ZFHX3: variants seen among roughly 807,000 people sequenced by gnomAD.
ZFHX3 encodes zinc finger homeobox protein 3.
In ZFHX3, 42 loss-of-function variants were observed where a neutral mutation model predicts 279.1. The ratio of observed to expected loss-of-function variants is 0.15; its 90% CI spans 0.12 to 0.19. The LOEUF is 0.19. Ranked by LOEUF, ZFHX3 falls within the 10% of genes least tolerant of loss-of-function variation. ZFHX3 has a pLI of 1.00. For missense variants in ZFHX3, 4,981 were observed against 4,754.0 expected (o/e 1.05, Z -1.40); for synonymous variants, 2,293 against 1,957.8 (o/e 1.17, Z -4.52).
intron 4 of ZFHX3, among the ~76,000 whole-genome samples, chr16:73,289,372 T>C (rs1489739047): frequency 1.3e-5 from 2 of 152,056 alleles, no homozygotes; most frequent in African/African-American, 2.4e-5. Flanking sequence ...TAGCAATTAC[T>C]CTACCCTTTT....
intron 2 of ZFHX3, among the ~76,000 whole-genome samples, chr16:73,496,022 G>C (rs545454715): frequency 6.3e-4 from 96 of 152,308 alleles, no homozygotes; most frequent in African/African-American, 2.0e-3. Context: ...CAGAAAGAGA[G>C]CGACATATTA....
chr16:73,888,651 G>A (rs976699264), intron 1 of ZFHX3, among the ~76,000 whole-genome samples: 1 of 152,162 alleles, frequency 6.6e-6, no homozygotes, highest in Non-Finnish European at 1.5e-5. Flanking sequence ...AAAGAAAAAT[G>A]TTTACATTTC....
intron 6 of ZFHX3, among the ~76,000 whole-genome samples, chr16:73,134,313 G>C (rs774311856): frequency 7.4e-6 from 1 of 134,988 alleles, no homozygotes; most frequent in East Asian, 2.2e-4. Flanking sequence ...GTGACCTTCC[G>C]TGTTAGTCTC....
At chr16:73,174,266 A>AAC (rs1967608169) in intron 5 of ZFHX3, among the ~76,000 whole-genome samples, 2 of 149,008 alleles carry the variant, frequency 1.3e-5, no homozygotes, top group Admixed American at 6.7e-5. Flanking sequence ...TGTTCACACA[A>AAC]AACAACAACA....
At chr16:73,192,155 G>A (rs62052447) in intron 5 of ZFHX3, among the ~76,000 whole-genome samples, 10,426 of 152,074 alleles carry the variant, frequency 0.069, 427 homozygotes, top group East Asian at 0.16. Flanking sequence ...CTTCCCTCCA[G>A]CTCTGGAAGT....
chr16:73,437,049 C>T (rs74028647), intron 3 of ZFHX3, among the ~76,000 whole-genome samples: 3,950 of 152,294 alleles, frequency 0.026, 161 homozygotes, highest in African/African-American at 0.088. Context: ...GTCTGCCTGA[C>T]ACCGCAATCT....
chr16:73,529,435 C>T (rs954002982), intron 2 of ZFHX3, among the ~76,000 whole-genome samples: 5 of 152,106 alleles, frequency 3.3e-5, no homozygotes, highest in African/African-American at 1.2e-4. Context: ...AAACAGCCTC[C>T]CAAAGAGAGA....
upstream of ZFHX3, among the ~76,000 whole-genome samples, chr16:73,063,778 G>C (rs1195172120): frequency 6.6e-6 from 1 of 152,152 alleles, no homozygotes; most frequent in African/African-American, 2.4e-5. Flanking sequence ...TCTTTCTCAG[G>C]ATCTTGCTTT....
intron 1 of ZFHX3, among the ~76,000 whole-genome samples, chr16:73,715,703 C>T (rs1257676558): frequency 1.3e-5 from 2 of 151,414 alleles, no homozygotes; most frequent in African/African-American, 2.4e-5. Context: ...CCCCAAGTAG[C>T]TGCGATTACA....
At chr16:73,803,870 C>G (rs1486782926) in intron 1 of ZFHX3, among the ~76,000 whole-genome samples, 1 of 152,132 alleles carries the variant, frequency 6.6e-6, no homozygotes, top group Non-Finnish European at 1.5e-5. Flanking sequence ...CATCAAATTA[C>G]TAGAAACAGC....
intron 1 of ZFHX3, among the ~76,000 whole-genome samples, chr16:72,968,499 C>G (rs187616876): frequency 7.0e-6 from 1 of 143,500 alleles, no homozygotes; most frequent in Non-Finnish European, 1.5e-5. Context: ...CTCGCTCTGT[C>G]GTCCAGGCTG....
chr16:72,971,844 G>A (rs1298766452), intron 1 of ZFHX3, among the ~76,000 whole-genome samples: 2 of 150,550 alleles, frequency 1.3e-5, no homozygotes, highest in African/African-American at 4.9e-5. Flanking sequence ...GATATTTACT[G>A]GCAGTCTACA....
chr16:72,847,135 T>C (rs1441407093), intron 4 of ZFHX3, among the ~76,000 whole-genome samples: 1 of 152,260 alleles, frequency 6.6e-6, no homozygotes, highest in Non-Finnish European at 1.5e-5. Context: ...TAAATGTATT[T>C]CAGTGGACTT....
At chr16:72,984,953 A>C (rs1387959006) in intron 1 of ZFHX3, among the ~76,000 whole-genome samples, 1 of 152,182 alleles carries the variant, frequency 6.6e-6, no homozygotes, top group Non-Finnish European at 1.5e-5. Flanking sequence ...ATACACATAC[A>C]TCTCTCATAT....
intron 1 of ZFHX3, among the ~76,000 whole-genome samples, chr16:73,689,137 T>C (rs1271691909): frequency 6.6e-6 from 1 of 152,228 alleles, no homozygotes; most frequent in Non-Finnish European, 1.5e-5. Context: ...TGCCAAAGGA[T>C]TGATACTGAT....
chr16:72,784,292 CAG>C lies in ZFHX3; in HGVS notation c.*2870_*2871del, dbSNP rs2035256314. The C allele has an allele frequency of 6.7e-6, 1 of 149,362 alleles. No homozygotes were observed. The highest frequency in any genetic ancestry group is 6.7e-5 in the Admixed American group (1 of 14,980). 9.3% of individuals were successfully genotyped at this position (149,362 alleles called of 1,614,324 possible). A position where few individuals can be genotyped will look rare whatever the true frequency, so the allele number is the denominator to read the frequency against. ...AAACAAAAACAAAAACCCAAACCATCAGGGAGGGGGCAGCAAAATTATAAAGA... is the reference window on the plus strand; with the variant it reads ...AAACAAAAACAAAAACCCAAACCATCGGAGGGGGCAGCAAAATTATAAAGA... On this transcript the variant is annotated 3_prime_UTR_variant, in exon 10 of 10. Transcript: ENST00000268489.
chr16:73,732,307 G>C (rs2053575784), intron 1 of ZFHX3, among the ~76,000 whole-genome samples: 1 of 152,200 alleles, frequency 6.6e-6, no homozygotes, highest in Non-Finnish European at 1.5e-5. Context: ...TTTCACCAAA[G>C]GCCTAATGAT....
intron 2 of ZFHX3, chr16:73,499,154 G>A (rs2019191565): frequency 6.6e-6 from 1 of 152,142 alleles, no homozygotes; most frequent in Non-Finnish European, 1.5e-5. Flanking sequence ...TGGCCTGTGG[G>A]AGAAACTGAC....
At chr16:72,866,939 T>C (rs994458345) in intron 4 of ZFHX3, among the ~76,000 whole-genome samples, 1 of 152,240 alleles carries the variant, frequency 6.6e-6, no homozygotes. Flanking sequence ...CCAGATTCCC[T>C]AAATTATCAT....
Sources: allele counts gnomAD v4.1 joint callset (sites outside exome capture counted in the v4.1 genomes callset), GRCh38; gene constraint gnomAD v4.1.1; transcripts MANE v1.5; gene names NCBI Gene and HGNC (gene_info 2026-07-23, HGNC 2026-07-21).